GRID2: variants seen among roughly 807,000 people sequenced by gnomAD.
GRID2 encodes glutamate receptor ionotropic, delta-2.
In GRID2, 33 loss-of-function variants were observed where a neutral mutation model predicts 114.8. That is an observed-to-expected ratio of 0.29 (90% confidence interval 0.22 to 0.38). The LOEUF is 0.38. GRID2 is among the 10% of genes least tolerant of loss of function. The pLI, the probability that GRID2 is intolerant of heterozygous loss-of-function variation, is 1.00. For synonymous variants in GRID2, 505 were observed against 449.9 expected (o/e 1.12, Z -1.55); for missense variants, 1,184 against 1,257.7 (o/e 0.94, Z 0.89).
chr4:93,425,406 C>T (rs544287412), intron 10 of GRID2, among the ~76,000 whole-genome samples: 9 of 152,232 alleles, frequency 5.9e-5, no homozygotes, highest in South Asian at 2.1e-4. Flanking sequence ...CCTTGGTTTT[C>T]GTAGTCCACA....
intron 9 of GRID2, among the ~76,000 whole-genome samples, chr4:93,402,889 T>A (rs1197374282): frequency 2.6e-5 from 4 of 152,118 alleles, no homozygotes; most frequent in Non-Finnish European, 4.4e-5. Flanking sequence ...GTCCTTAAAT[T>A]TTTTGCTAAG....
At chr4:92,954,252 C>G (rs1752230561) in intron 2 of GRID2, among the ~76,000 whole-genome samples, 1 of 151,860 alleles carries the variant, frequency 6.6e-6, no homozygotes, top group Non-Finnish European at 1.5e-5. Flanking sequence ...TATACAAACA[C>G]ATACACACAT....
intron 14 of GRID2, among the ~76,000 whole-genome samples, chr4:93,660,991 G>C (rs1421341036): frequency 1.3e-5 from 2 of 152,034 alleles, no homozygotes; most frequent in Non-Finnish European, 2.9e-5. Context: ...AACTGACCTC[G>C]CACCTGAAGA....
At chr4:93,655,229 A>C (rs1192545486) in intron 14 of GRID2, among the ~76,000 whole-genome samples, 1 of 152,204 alleles carries the variant, frequency 6.6e-6, no homozygotes, top group East Asian at 1.9e-4. Context: ...TTAGTTTTCA[A>C]ACCTCTTATC....
intron 8 of GRID2, among the ~76,000 whole-genome samples, chr4:93,316,386 T>TGGAA (rs1377710009): frequency 1.4e-4 from 11 of 77,672 alleles, no homozygotes; most frequent in African/African-American, 6.4e-4. Flanking sequence ...AAAGAAAGAA[T>TGGAA]AGAAAAGGAA....
intron 8 of GRID2, among the ~76,000 whole-genome samples, chr4:93,378,434 A>G (rs1579881061): frequency 6.6e-6 from 1 of 152,094 alleles, no homozygotes; most frequent in Admixed American, 6.6e-5. Flanking sequence ...TCTAGTAAAG[A>G]TTCCGTAATT....
chr4:93,090,281 T>C (rs964451333), intron 3 of GRID2, among the ~76,000 whole-genome samples: 1 of 152,128 alleles, frequency 6.6e-6, no homozygotes. Flanking sequence ...GCTGAACAAA[T>C]ACTATGAACC....
chr4:93,455,689 A>C lies in GRID2; in HGVS notation c.1573A>C (p.Thr525Pro). Residue 525 changes from threonine (T) to proline (P), a missense_variant, in exon 11 of 16, where the codon ACC becomes CCC. Thr to Pro is a conservative substitution (Grantham distance 38). Transcript: ENST00000282020. ...AGCCGACATAGGGATTTCTGCTTTA[A>C]CCATCACTCCAGATCGTGAAAATGT... is the stretch of plus-strand genomic sequence containing the variant. ...KRADIGISAL[T>P]ITPDRENVVD... The C allele has an allele frequency of 6.2e-7, 1 of 1,612,510 alleles. No individual in the cohort carries two copies.
rs546219633 is a variant in GRID2, at chr4:93,399,955, A to G, written c.1347+4247A>G. Among the ~76,000 whole-genome samples, 5 of 152,250 alleles carry G rather than the reference A, an allele frequency of 3.3e-5. No individual in the cohort carries two copies. The East Asian group carries it at 9.7e-4, about 29-fold the overall frequency. On this transcript the variant is annotated intron_variant, in intron 9 of 15. Coordinates refer to ENST00000282020, the MANE Select transcript of GRID2 (RefSeq NM_001510.4). ...ATAGGACCTATTATAAGAAGGTTAT[A>G]TATATTAACTTATTTAATCCTTATA...
At chr4:93,125,830 T>C (rs987524544) in intron 4 of GRID2, among the ~76,000 whole-genome samples, 6 of 152,332 alleles carry the variant, frequency 3.9e-5, no homozygotes, top group Admixed American at 2.6e-4. Context: ...TTAATATCCA[T>C]AAATTCTTAC....
In GRID2 at chr4:93,038,589, G is replaced by T. The variant is rs188869729; in HGVS notation, c.245-46406G>T. 1.4e-3 allele frequency among the ~76,000 whole-genome samples: 210 copies of T among 152,230 alleles called. 1 individual carries two copies. Among genetic ancestry groups the T allele is most frequent in the African/African-American group, 5.0e-3 (207 of 41,534 alleles). On this transcript the variant is annotated intron_variant, in intron 2 of 15. Transcript: ENST00000282020. Reference sequence around the variant, plus strand: ...GTGGATCATGAAGTCAGGAGATCGAGACCATCCTGGCTAACATGGTGAAAC... The same window carrying T: ...GTGGATCATGAAGTCAGGAGATCGATACCATCCTGGCTAACATGGTGAAAC...
intron 2 of GRID2, among the ~76,000 whole-genome samples, chr4:92,847,626 TTACA>T (rs147411592): frequency 0.01 from 1,533 of 152,194 alleles, 23 homozygotes; most frequent in African/African-American, 0.035. Flanking sequence ...AGCTTTATTC[TTACA>T]TACACAGCTA....
intron 2 of GRID2, among the ~76,000 whole-genome samples, chr4:93,013,342 G>T (rs1223604465): frequency 6.6e-6 from 1 of 151,774 alleles, no homozygotes; most frequent in Non-Finnish European, 1.5e-5. Context: ...TATGTTTATT[G>T]ACACCATATG....
intron 2 of GRID2, among the ~76,000 whole-genome samples, chr4:93,064,567 CAA>C (rs1303553500): frequency 6.6e-6 from 1 of 151,788 alleles, no homozygotes; most frequent in Non-Finnish European, 1.5e-5. Context: ...TAGGCAAGCA[CAA>C]AGTCAGGACA....
intron 14 of GRID2, among the ~76,000 whole-genome samples, chr4:93,759,612 A>AC (rs1733038826): frequency 6.6e-6 from 1 of 152,240 alleles, no homozygotes; most frequent in African/African-American, 2.4e-5. Context: ...TTAAGTAAGG[A>AC]CAAGGTTCCA....
chr4:93,183,318 A>G (rs573932460), intron 4 of GRID2, among the ~76,000 whole-genome samples: 1 of 152,314 alleles, frequency 6.6e-6, no homozygotes, highest in South Asian at 2.1e-4. Context: ...TAAATTGAAG[A>G]TAATACTAAA....
chr4:92,445,789 T>G (rs1733426453), intron 1 of GRID2, among the ~76,000 whole-genome samples: 1 of 152,244 alleles, frequency 6.6e-6, no homozygotes, highest in Non-Finnish European at 1.5e-5. Context: ...TGAATAATCT[T>G]ACCTTGGTTA....
At chr4:92,750,281 C>G (rs573749691) in intron 2 of GRID2, among the ~76,000 whole-genome samples, 6 of 152,296 alleles carry the variant, frequency 3.9e-5, no homozygotes, top group African/African-American at 1.2e-4. Context: ...TCTCATTCAG[C>G]TAGAAATACT....
chr4:93,091,467 T>C (rs977021742), intron 3 of GRID2, among the ~76,000 whole-genome samples: 4 of 152,164 alleles, frequency 2.6e-5, no homozygotes, highest in African/African-American at 4.8e-5. Context: ...TTTTCTTTCA[T>C]GGAGAATACT....
Sources: gnomAD v4.1 joint callset for allele counts (sites outside exome capture counted in the v4.1 genomes callset) on GRCh38, gnomAD v4.1.1 for gene constraint, MANE v1.5 for transcripts, NCBI Gene and HGNC (gene_info 2026-07-23, HGNC 2026-07-21) for gene names.